DPP10: variants seen among roughly 807,000 people sequenced by gnomAD.
DPP10 encodes inactive dipeptidyl peptidase 10.
In DPP10, 33 loss-of-function variants were observed where a neutral mutation model predicts 120.9. That is an observed-to-expected ratio of 0.27 (90% CI 0.21 to 0.37). The LOEUF (loss-of-function observed/expected upper bound fraction) is 0.37. Among genes scored for constraint, DPP10 ranks in the 10% least tolerant of loss-of-function variants. DPP10 has a pLI of 1.00. For missense variants in DPP10, 816 were observed against 942.8 expected, an observed-to-expected ratio of 0.87 and a Z score of 1.76; for synonymous variants, 337 against 326.1, an observed-to-expected ratio of 1.03 and a Z score of -0.36.
chr2:114,929,980 G>A (rs571677109), intron 1 of DPP10, among the ~76,000 whole-genome samples: 9 of 152,202 alleles, frequency 5.9e-5, no homozygotes, highest in East Asian at 3.9e-4. Context: ...CAGTCCCTCC[G>A]TTCAGGGTCC....
intron 1 of DPP10, among the ~76,000 whole-genome samples, chr2:114,774,455 G>A (rs1237861314): frequency 3.3e-5 from 5 of 151,282 alleles, no homozygotes; most frequent in Non-Finnish European, 5.9e-5. Flanking sequence ...AGAATCATGA[G>A]GTAGGAGATT....
chr2:114,772,758 C>T (rs1259370797), intron 1 of DPP10, among the ~76,000 whole-genome samples: 2 of 151,846 alleles, frequency 1.3e-5, no homozygotes, highest in Non-Finnish European at 2.9e-5. Flanking sequence ...TGGTGGCTAA[C>T]CATGAATTGT....
chr2:114,653,193 A>C (rs1235938418), intron 1 of DPP10, among the ~76,000 whole-genome samples: 3 of 152,128 alleles, frequency 2.0e-5, no homozygotes, highest in Non-Finnish European at 4.4e-5. Context: ...TTAAGACAAG[A>C]TCATCTTAGA....
chr2:115,288,327 T>G (rs2060489709), intron 1 of DPP10, among the ~76,000 whole-genome samples: 1 of 152,126 alleles, frequency 6.6e-6, no homozygotes, highest in Admixed American at 6.6e-5. Context: ...TTTGTATAAC[T>G]TCTTTTGAGA....
rs3039998 is a variant in DPP10, at chr2:115,495,365, G to GAAAAAAAAAAAAAAAAA, written c.272-4141_272-4125dup. Among the ~76,000 whole-genome samples the GAAAAAAAAAAAAAAAAA allele has an allele frequency of 5.8e-4, 48 of 82,224 alleles. 1 individual carries two copies. The highest frequency in any genetic ancestry group is 2.2e-3 in the African/African-American group (48 of 22,174). 53.9% of individuals were successfully genotyped at this position (82,224 alleles called of 152,430 possible). A position where few individuals can be genotyped will look rare whatever the true frequency, so the allele number is the denominator to read the frequency against. On this transcript the variant is annotated intron_variant, in intron 3 of 25. Coordinates refer to ENST00000410059, the MANE Select transcript of DPP10 (RefSeq NM_020868.6). ...AGAAACTAATTTTCAGCCATTTTCT[G>GAAAAAAAAAAAAAAAAA]AAAAAAAAAAAAAAAAAAAAGTTTT... is the stretch of plus-strand genomic sequence containing the variant.
chr2:115,232,890 C>T (rs760815303), intron 1 of DPP10, among the ~76,000 whole-genome samples: 3 of 152,194 alleles, frequency 2.0e-5, no homozygotes, highest in South Asian at 4.1e-4. Flanking sequence ...ACAACTACCC[C>T]GAGATGCAAG....
chr2:115,811,753 C>T (rs925599934), intron 19 of DPP10, among the ~76,000 whole-genome samples: 13 of 152,054 alleles, frequency 8.5e-5, no homozygotes, highest in African/African-American at 2.4e-4. Context: ...TTTTTATATC[C>T]TTGTAAGGCT....
chr2:115,270,072 A>T (rs2059625583), intron 1 of DPP10, among the ~76,000 whole-genome samples: 3 of 77,456 alleles, frequency 3.9e-5, no homozygotes, highest in Non-Finnish European at 5.5e-5. Context: ...TACTTCACAC[A>T]CACACACACA....
intron 1 of DPP10, among the ~76,000 whole-genome samples, chr2:114,526,549 A>G (rs1685514762): frequency 1.3e-5 from 2 of 152,154 alleles, no homozygotes; most frequent in Non-Finnish European, 2.9e-5. Context: ...AACAAAAAAT[A>G]CTATAGACTG....
chr2:115,491,426 C>A (rs1464866456), intron 3 of DPP10, among the ~76,000 whole-genome samples: 2 of 152,096 alleles, frequency 1.3e-5, no homozygotes, highest in Non-Finnish European at 2.9e-5. Flanking sequence ...GCTAGTTTGT[C>A]AGGAGCCCTT....
chr2:115,119,115 C>T (rs2049691528), intron 1 of DPP10, among the ~76,000 whole-genome samples: 1 of 152,124 alleles, frequency 6.6e-6, no homozygotes, highest in African/African-American at 2.4e-5. Flanking sequence ...TCCCTTGGAG[C>T]AGGCTGTCCA....
chr2:114,848,861 A>G (rs1273611699), intron 1 of DPP10, among the ~76,000 whole-genome samples: 1 of 152,146 alleles, frequency 6.6e-6, no homozygotes, highest in Non-Finnish European at 1.5e-5. Flanking sequence ...AAACAAGGGA[A>G]TTTATTTCTC....
chr2:115,840,092 C>T (rs1469609007), intron 24 of DPP10, among the ~76,000 whole-genome samples: 1 of 151,410 alleles, frequency 6.6e-6, no homozygotes, highest in East Asian at 1.9e-4. Context: ...AGACATTTGC[C>T]ATATTAAAAT....
At chr2:115,683,431 A>G in intron 5 of DPP10, among the ~76,000 whole-genome samples, 1 of 151,966 alleles carries the variant, frequency 6.6e-6, no homozygotes, top group East Asian at 1.9e-4. Context: ...ATGAATCATT[A>G]TATACTCATC....
intron 5 of DPP10, among the ~76,000 whole-genome samples, chr2:115,669,952 T>C (rs2089738285): frequency 6.6e-6 from 1 of 152,134 alleles, no homozygotes; most frequent in Non-Finnish European, 1.5e-5. Context: ...TTGGGGGTGC[T>C]ATAACAAATT....
At chr2:114,999,046 C>T (rs1045278319) in intron 1 of DPP10, among the ~76,000 whole-genome samples, 1 of 152,162 alleles carries the variant, frequency 6.6e-6, no homozygotes, top group Non-Finnish European at 1.5e-5. Context: ...ATACCCAATG[C>T]TTGAAGCACT....
intron 1 of DPP10, among the ~76,000 whole-genome samples, chr2:114,544,596 A>G (rs1187000589): frequency 1.3e-5 from 2 of 152,112 alleles, no homozygotes; most frequent in East Asian, 3.8e-4. Context: ...ACCACTAATT[A>G]CAGAAAATAA....
intron 1 of DPP10, among the ~76,000 whole-genome samples, chr2:114,486,299 A>G (rs558166967): frequency 6.6e-6 from 1 of 151,680 alleles, no homozygotes; most frequent in Admixed American, 6.6e-5. Flanking sequence ...GGTCTTGTTG[A>G]AAAAAAAATT....
At chr2:115,218,568 A>G (rs760882256) in intron 1 of DPP10, among the ~76,000 whole-genome samples, 2 of 152,132 alleles carry the variant, frequency 1.3e-5, no homozygotes, top group Non-Finnish European at 2.9e-5. Flanking sequence ...TTGTACTTCA[A>G]CAAGATCCTG....
Sources: gnomAD v4.1 joint callset for allele counts (sites outside exome capture counted in the v4.1 genomes callset) on GRCh38, gnomAD v4.1.1 for gene constraint, MANE v1.5 for transcripts, NCBI Gene and HGNC (gene_info 2026-07-23, HGNC 2026-07-21) for gene names.